Variants in CSMD2 observed in about 807,000 individuals in gnomAD.
CSMD2 encodes CUB and sushi domain-containing protein 2.
CSMD2 carries 130 observed loss-of-function variants against 398.5 expected under a neutral mutation model. The observed-to-expected ratio is 0.33, with a 90% confidence interval of 0.28 to 0.38. CSMD2 has a LOEUF of 0.38. Ranked by LOEUF, CSMD2 falls within the 10% of genes least tolerant of loss-of-function variation. The pLI is 1.00. For synonymous variants in CSMD2, 1,828 were observed against 1,908.5 expected (o/e 0.96, Z 1.10); for missense variants, 3,829 against 4,764.9 (o/e 0.80, Z 5.78).
At chr1:34,109,192 A>G (rs554349730) in intron 1 of CSMD2, among the ~76,000 whole-genome samples, 1 of 152,302 alleles carries the variant, frequency 6.6e-6, no homozygotes, top group Admixed American at 6.5e-5. Context: ...GTCATCTGCA[A>G]TTTCACTTTG....
chr1:33,955,309 G>A (rs758106224), intron 3 of CSMD2, among the ~76,000 whole-genome samples: 13 of 152,190 alleles, frequency 8.5e-5, no homozygotes, highest in African/African-American at 2.7e-4. Context: ...GTGACTTGTC[G>A]CCAAGCAAAC....
rs148578256 is a variant in CSMD2, at chr1:33,656,361, T to C, written c.4447+1585A>G. 5.0e-4 allele frequency among the ~76,000 whole-genome samples: 76 copies of C among 152,294 alleles called. 1 individual carries two copies. Among genetic ancestry groups the C allele is most frequent in the African/African-American group, 1.7e-3 (69 of 41,558 alleles). The stretch of plus-strand genomic sequence containing the variant: ...AAATCTGGATGTGTCTACTTCAGTA[T>C]CCCATACTGTTCCCTACACAGCAGA... On this transcript the variant is annotated intron_variant, in intron 27 of 70. Transcript: ENST00000373381.
At chr1:34,142,350 C>A (rs763927801) in intron 1 of CSMD2, among the ~76,000 whole-genome samples, 1 of 152,158 alleles carries the variant, frequency 6.6e-6, no homozygotes, top group South Asian at 2.1e-4. Flanking sequence ...GGCCCAAGAT[C>A]GGCTCTTCTC....
Position 33,810,849 on chromosome 1 carries a change from G to C in CSMD2, c.1340C>G (p.Ala447Gly). Residue 447 changes from alanine (A) to glycine (G), a missense_variant, in exon 10 of 71, where the codon GCC becomes GGC. By Grantham distance (60) the Ala-to-Gly change is moderately conservative. Transcript: ENST00000373381. ...RPVCRARMCD[A>G]HLRGPSGIIT... ...GATGCCCGAGGGGCCTCGAAGGTGG[G>C]CATCACACATGCGGGCTGCAGAGGA... 1 of 1,612,134 alleles carries C rather than the reference G, an allele frequency of 6.2e-7. No homozygotes were observed.
intron 25 of CSMD2, among the ~76,000 whole-genome samples, chr1:33,667,794 T>C (rs1223994253): frequency 6.6e-6 from 1 of 152,124 alleles, no homozygotes; most frequent in East Asian, 1.9e-4. Flanking sequence ...CAATACAAGT[T>C]GGCAACGGAA....
chr1:33,651,869 T>C (rs1236861840), intron 28 of CSMD2, among the ~76,000 whole-genome samples: 1 of 151,888 alleles, frequency 6.6e-6, no homozygotes, highest in East Asian at 1.9e-4. Flanking sequence ...CAGAGGCAGT[T>C]CTTTTGAAGA....
intron 25 of CSMD2, among the ~76,000 whole-genome samples, chr1:33,671,918 C>A (rs1219435802): frequency 6.6e-6 from 1 of 152,112 alleles, no homozygotes; most frequent in African/African-American, 2.4e-5. Context: ...AAAACAAAAA[C>A]AAACAAACAA....
At chr1:33,946,646 T>G in intron 3 of CSMD2, among the ~76,000 whole-genome samples, 1 of 149,744 alleles carries the variant, frequency 6.7e-6, no homozygotes. Flanking sequence ...TGAGACGGAG[T>G]CTTACTCTGT....
rs774411669 is a variant in CSMD2 at position 33,970,278 on chromosome 1, C to T, written c.518-34324G>A. On this transcript the variant is annotated intron_variant, in intron 3 of 70. Transcript: ENST00000373381. ...GTGGAACAGTTTCAGCTCTTACACA[C>T]CAGACCTCTAGGCAATAGCAGGCCC... Among the ~76,000 whole-genome samples the T allele has an allele frequency of 2.6e-5, 4 of 152,152 alleles. No individual in the cohort carries two copies. In the South Asian group the frequency reaches 8.3e-4, roughly 32 times the overall value.
chr1:33,755,699 C>T (rs1648889808), intron 13 of CSMD2, among the ~76,000 whole-genome samples: 1 of 152,172 alleles, frequency 6.6e-6, no homozygotes, highest in Admixed American at 6.5e-5. Context: ...GGCTGCAGTG[C>T]AGTGGTGCAA....
At chr1:33,920,441 C>T (rs1643897653) in intron 4 of CSMD2, among the ~76,000 whole-genome samples, 1 of 147,810 alleles carries the variant, frequency 6.8e-6, no homozygotes, top group Admixed American at 6.9e-5. Context: ...ACCCGGGAGG[C>T]CAAGGCAGAA....
chr1:33,776,043 G>C (rs759082092), intron 12 of CSMD2, among the ~76,000 whole-genome samples: 1 of 152,218 alleles, frequency 6.6e-6, no homozygotes, highest in Non-Finnish European at 1.5e-5. Flanking sequence ...TACCAAACAG[G>C]AGAAGAGAAG....
intron 53 of CSMD2, among the ~76,000 whole-genome samples, chr1:33,561,161 T>C (rs910236910): frequency 2.6e-5 from 4 of 152,174 alleles, no homozygotes; most frequent in African/African-American, 7.2e-5. Context: ...ACCCAGTCCT[T>C]GGTGTGGCCA....
rs945840127 is a variant in CSMD2, at chr1:33,559,163, T to C, written c.8554+137A>G. The C allele has an allele frequency of 9.3e-6, 7 of 751,192 alleles. No homozygotes were observed. Among genetic ancestry groups the C allele is most frequent in the African/African-American group, 5.2e-5 (3 of 57,198 alleles). 46.5% of individuals were successfully genotyped at this position (751,192 alleles called of 1,614,324 possible). A position where few individuals can be genotyped will look rare whatever the true frequency, so the allele number is the denominator to read the frequency against. Reference sequence around the variant, plus strand: ...TAAGGGTTGAGAAAGTCCTCATTTATGACCCTTCTCTGCTCCATCTTCCCT... The same window carrying C: ...TAAGGGTTGAGAAAGTCCTCATTTACGACCCTTCTCTGCTCCATCTTCCCT... On this transcript the variant is annotated intron_variant, in intron 54 of 70. Coordinates refer to ENST00000373381, the MANE Select transcript of CSMD2 (RefSeq NM_001281956.2). This position sits in a 1 kb window ranked among gnomAD's most constrained non-coding sequence, Gnocchi z 4.0.
At chr1:33,795,967 G>A (rs565277776) in intron 10 of CSMD2, among the ~76,000 whole-genome samples, 2 of 152,216 alleles carry the variant, frequency 1.3e-5, no homozygotes, top group Admixed American at 1.3e-4. Flanking sequence ...AGGGACAGAT[G>A]GTAAATATTT....
intron 3 of CSMD2, among the ~76,000 whole-genome samples, chr1:34,020,552 C>T (rs1648735017): frequency 6.6e-6 from 1 of 152,180 alleles, no homozygotes; most frequent in Non-Finnish European, 1.5e-5. Context: ...CAGGCCTCTC[C>T]TGCTGTGGGG....
intron 9 of CSMD2, among the ~76,000 whole-genome samples, chr1:33,811,515 C>T (rs571905820): frequency 1.3e-5 from 2 of 152,230 alleles, no homozygotes; most frequent in Admixed American, 6.5e-5. Flanking sequence ...GTGCCAGGCC[C>T]CCAGAGTGAT....
intron 2 of CSMD2, among the ~76,000 whole-genome samples, chr1:34,083,904 G>A (rs1051927467): frequency 1.3e-5 from 2 of 152,044 alleles, no homozygotes; most frequent in African/African-American, 4.8e-5. Context: ...CACTAGTAAA[G>A]CATGTAGAAC....
chr1:33,792,543 G>C lies in CSMD2; in HGVS notation c.1447-17C>G. 3 of 1,574,528 alleles carry C rather than the reference G, an allele frequency of 1.9e-6. No individual in the cohort carries two copies. Among genetic ancestry groups the C allele is most frequent in the Middle Eastern group, 1.7e-4 (1 of 5,994 alleles). ...CTTGATCACCTAGGGAGGGAACACAGGGTTAGGAGCAGGCAGGGGCTGTGA... is the reference window on the plus strand; with the variant it reads ...CTTGATCACCTAGGGAGGGAACACACGGTTAGGAGCAGGCAGGGGCTGTGA... On this transcript the variant is annotated splice_polypyrimidine_tract_variant and intron_variant, in intron 10 of 70. Coordinates refer to ENST00000373381, the MANE Select transcript of CSMD2 (RefSeq NM_001281956.2).
Sources: gnomAD v4.1 joint callset for allele counts (sites outside exome capture counted in the v4.1 genomes callset) on GRCh38, gnomAD v4.1.1 for gene constraint, Gnocchi (gnomAD v3.1) non-coding constraint, MANE v1.5 for transcripts, NCBI Gene and HGNC (gene_info 2026-07-23, HGNC 2026-07-21) for gene names.